ADCYAP1: variants seen among roughly 807,000 people sequenced by gnomAD.
The protein encoded by ADCYAP1 is pituitary adenylate cyclase-activating polypeptide.
Under a neutral mutation model 18.5 loss-of-function variants are expected in ADCYAP1, and 6 were observed. That is an observed-to-expected ratio of 0.32 (90% CI 0.18 to 0.64). ADCYAP1 has a LOEUF of 0.64. ADCYAP1 is among the 30% of genes least tolerant of loss of function. The pLI, the probability that ADCYAP1 is intolerant of heterozygous loss-of-function variation, is 0.77. For synonymous variants in ADCYAP1, 136 were observed against 113.9 expected (o/e 1.19, Z -1.24); for missense variants, 314 against 253.6 (o/e 1.24, Z -1.62).
At position 909,466 on chromosome 18, in the gene ADCYAP1, C is replaced by T; in HGVS notation, c.362C>T (p.Ala121Val). Residue 121 changes from alanine (A) to valine (V), a missense_variant, in exon 5 of 5, where the codon GCG becomes GTG. Transcript: ENST00000450565. Reference sequence around the variant, plus strand: ...TGCAGTGGGAGCCTCGGCGGCGGCGCGGGGGACGACGCGGAGCCGCTCTCC... The same window carrying T: ...TGCAGTGGGAGCCTCGGCGGCGGCGTGGGGGACGACGCGGAGCCGCTCTCC... ...RGVGGSLGGGAGDDAEPLSKR... is the reference protein window; with the variant it reads ...RGVGGSLGGGVGDDAEPLSKR... 6.2e-7 allele frequency: 1 copy of T among 1,612,136 alleles called. No homozygotes were observed. The highest frequency in any genetic ancestry group is 8.5e-7 in the Non-Finnish European group (1 of 1,179,598).
At chr18:904,658 G>A (rs2143097280), upstream of ADCYAP1, 3 of 1,224,918 alleles carry the variant, frequency 2.4e-6, no homozygotes, top group Non-Finnish European at 3.1e-6. Flanking sequence ...CGGGCTAGCC[G>A]CCCGCCCTCT....
intron 4 of ADCYAP1, among the ~76,000 whole-genome samples, 166 bp from the exon 5 acceptor site, chr18:909,279 GC>G (rs1264830781): frequency 6.6e-6 from 1 of 152,230 alleles, no homozygotes; most frequent in Admixed American, 6.5e-5. Flanking sequence ...TGCCGTCTCG[GC>G]CCTCCCCACG....
intron 4 of ADCYAP1, among the ~76,000 whole-genome samples, chr18:909,136 G>T (rs113902236): frequency 0.01 from 1,549 of 149,664 alleles, 30 homozygotes; most frequent in African/African-American, 0.036. Flanking sequence ...ACGAAGGGTC[G>T]GATCTCAAGG....
chr18:904,803 T>C, upstream of ADCYAP1: 1 of 1,284,672 alleles, frequency 7.8e-7, no homozygotes, highest in Non-Finnish European at 1.0e-6. Context: ...CTTCTGCCTC[T>C]CTCTCTGCGC....
rs1014689002 is a variant in ADCYAP1, at chr18:911,644, A to C, written c.*2009A>C. ...TGTGTATAGGATCAATCTTCCTTTA[A>C]TTCCGCAGTCTCCTCAGGCAATGTG... is the stretch of plus-strand genomic sequence containing the variant. On this transcript the variant is annotated 3_prime_UTR_variant, in exon 5 of 5. Transcript: ENST00000450565. 1 of 152,164 alleles carries C rather than the reference A, an allele frequency of 6.6e-6. No individual in the cohort carries two copies. Among genetic ancestry groups the C allele is most frequent in the African/African-American group, 2.4e-5 (1 of 41,436 alleles). The allele number at this position is 152,164 out of a possible 1,614,324, so 9.4% of individuals were successfully genotyped here. A position where few individuals can be genotyped will look rare whatever the true frequency, so the allele number is the denominator to read the frequency against.
intron 4 of ADCYAP1, 99 bp from the exon 5 acceptor site, chr18:909,347 C>G: frequency 7.9e-7 from 1 of 1,263,698 alleles, no homozygotes; most frequent in Non-Finnish European, 1.1e-6. Flanking sequence ...CGGGCCCTCC[C>G]CGAAGGCTCC....
intron 3 of ADCYAP1, chr18:908,015 A>C: frequency 1.1e-6 from 1 of 877,074 alleles, no homozygotes; most frequent in Admixed American, 3.1e-5. Flanking sequence ...CTGTGGCCCA[A>C]AGAGTGGCAG....
At chr18:908,228 A>C in intron 3 of ADCYAP1, 37 bp from the exon 4 acceptor site, 1 of 1,578,070 alleles carries the variant, frequency 6.3e-7, no homozygotes, top group Non-Finnish European at 8.7e-7. Context: ...GGGGACAGAA[A>C]CAGTGACCCT....
At chr18:908,032 G>C (rs1020489137) in intron 3 of ADCYAP1, 5 of 773,828 alleles carry the variant, frequency 6.5e-6, no homozygotes, top group Non-Finnish European at 9.8e-6. Flanking sequence ...GCAGTGAGTG[G>C]CGTCAAGGAA....
rs1283560003 is a variant in ADCYAP1, at chr18:908,347, G to T, written c.325G>T (p.Val109Leu). The T allele has an allele frequency of 2.5e-6, 4 of 1,613,082 alleles. No homozygotes were observed. Among genetic ancestry groups the T allele is most frequent in the Non-Finnish European group, 2.5e-6 (3 of 1,179,622 alleles). ...LSAGKHLQSL[V>L]ARGVGGSLGG... ...CGCCGGGAAGCACCTGCAGTCGCTC[G>T]TGGCCCGGGGCGTGGGGTAAGAGTT... The change falls in exon 4 of 5, where the codon GTG becomes TTG. Residue 109 changes from valine (V) to leucine (L), a missense_variant. Transcript: ENST00000450565.
rs1295155865 is a variant in ADCYAP1, at chr18:909,683, AGTC to A, written c.*51_*53del. On this transcript the variant is annotated 3_prime_UTR_variant, in exon 5 of 5. Transcript: ENST00000450565. ...TGTATACAGCCCTGACGCAATGAAA[AGTC>A]GTTTTCCAAACTGACTCAACAGTCA... 11 of 1,553,776 alleles carry A rather than the reference AGTC, an allele frequency of 7.1e-6. No homozygotes were observed. Among genetic ancestry groups the A allele is most frequent in the Non-Finnish European group, 9.6e-6 (11 of 1,140,350 alleles).
intron 4 of ADCYAP1, 60 bp downstream of exon 4, chr18:908,423 G>T: frequency 6.8e-7 from 1 of 1,477,796 alleles, no homozygotes; most frequent in Non-Finnish European, 9.3e-7. Context: ...TGCGGGGCGC[G>T]CGGGGCGGGC....
In ADCYAP1 at chr18:905,485, C is replaced by G. The variant is rs757703280; in HGVS notation, c.99C>G (p.Phe33Leu). ...YSSPAAAGLR[F>L]PGIRPEEEAY... Reference sequence around the variant, plus strand: ...CACCTGCCGCCGCCGGACTCCGGTTCCCCGGGATCAGGTAGGTGCTGGCTG... The same window carrying G: ...CACCTGCCGCCGCCGGACTCCGGTTGCCCGGGATCAGGTAGGTGCTGGCTG... Residue 33 changes from phenylalanine (F) to leucine (L), a missense_variant, in exon 2 of 5, where the codon TTC becomes TTG. By Grantham distance (22) the Phe-to-Leu change is conservative. Coordinates refer to ENST00000450565, the MANE Select transcript of ADCYAP1 (RefSeq NM_001099733.2). 5.0e-6 allele frequency: 8 copies of G among 1,607,500 alleles called. No individual in the cohort carries two copies. In the South Asian group the frequency reaches 8.8e-5, roughly 18 times the overall value.
At chr18:904,617 G>A (rs1160801837), upstream of ADCYAP1, 8 of 1,252,972 alleles carry the variant, frequency 6.4e-6, no homozygotes, top group Non-Finnish European at 5.1e-6. Flanking sequence ...GCCGACCCTC[G>A]CGGCTGCCTG....
chr18:908,209 C>T (rs991161788), intron 3 of ADCYAP1, 56 bp from the exon 4 acceptor site: 3 of 1,499,078 alleles, frequency 2.0e-6, no homozygotes, highest in East Asian at 2.4e-5. Flanking sequence ...GGGTCTCTAG[C>T]GGCCACCTGG....
upstream of ADCYAP1, chr18:904,416 C>T: frequency 1.6e-6 from 2 of 1,276,312 alleles, no homozygotes; most frequent in Non-Finnish European, 2.0e-6. Flanking sequence ...ACAAAATATT[C>T]TGTACTTAAA....
At chr18:908,429 C>CG in intron 4 of ADCYAP1, 66 bp downstream of exon 4, 1 of 1,455,004 alleles carries the variant, frequency 6.9e-7, no homozygotes, top group Non-Finnish European at 9.4e-7. Context: ...GCGCGCGGGG[C>CG]GGGCGGCGGT....
chr18:905,168 T>G, intron 1 of ADCYAP1, 108 bp downstream of exon 1: 12 of 1,397,494 alleles, frequency 8.6e-6, no homozygotes, highest in Non-Finnish European at 7.4e-6. Context: ...GTCTGGCTAG[T>G]TATTGGGCGC....
intron 3 of ADCYAP1, 58 bp downstream of exon 3, chr18:907,848 G>T (rs1320357926): frequency 8.5e-6 from 12 of 1,411,698 alleles, no homozygotes; most frequent in Non-Finnish European, 1.1e-5. Context: ...CTGCGGTGAC[G>T]GGAGGGGCAG....
Sources: allele counts gnomAD v4.1 joint callset (sites outside exome capture counted in the v4.1 genomes callset), GRCh38; gene constraint gnomAD v4.1.1; transcripts MANE v1.5; gene names NCBI Gene and HGNC (gene_info 2026-07-23, HGNC 2026-07-21).